Variants in RAP1GAP2 observed in about 807,000 individuals in gnomAD.
The protein encoded by RAP1GAP2 is rap1 GTPase-activating protein 2.
In RAP1GAP2, 27 loss-of-function variants were observed where a neutral mutation model predicts 95.0. That is an observed-to-expected ratio of 0.28 (90% CI 0.21 to 0.39). The LOEUF (loss-of-function observed/expected upper bound fraction) is 0.39, where lower values mean the gene tolerates loss of function less well. Ranked by LOEUF, RAP1GAP2 falls within the 10% of genes least tolerant of loss-of-function variation. RAP1GAP2 has a pLI of 1.00. For synonymous variants in RAP1GAP2, 373 were observed against 380.9 expected (o/e 0.98, Z 0.24); for missense variants, 771 against 970.0 (o/e 0.79, Z 2.72).
intron 2 of RAP1GAP2, among the ~76,000 whole-genome samples, chr17:2,817,092 T>A (rs9897187): frequency 0.32 from 35,742 of 110,324 alleles, 12,702 homozygotes; most frequent in African/African-American, 0.65. Context: ...GGCTCAAGCG[T>A]TTCTCGTGCC....
intron 2 of RAP1GAP2, among the ~76,000 whole-genome samples, chr17:2,882,974 G>A (rs1267355423): frequency 6.6e-6 from 1 of 152,262 alleles, no homozygotes; most frequent in African/African-American, 2.4e-5. Context: ...AGTTCTTGGT[G>A]CTCTTTCTGA....
In RAP1GAP2 at chr17:2,827,419, C is replaced by A. The variant is rs893488420; in HGVS notation, c.80+26869C>A. 1.3e-5 allele frequency among the ~76,000 whole-genome samples: 2 copies of A among 151,298 alleles called. No homozygotes were observed. Among genetic ancestry groups the A allele is most frequent in the African/African-American group, 4.9e-5 (2 of 41,104 alleles). ...TGGTTTCAGACAGTGCCCAGTCCTG[C>A]GAAGGAAATAGAACAGTGAGGCGAT... On this transcript the variant is annotated intron_variant, in intron 2 of 24. Transcript: ENST00000254695. The surrounding 1 kb of genome is among the most constrained non-coding windows in gnomAD (Gnocchi z 4.1).
Position 2,964,627 on chromosome 17 carries a change from A to G in RAP1GAP2, c.492+559A>G, listed in dbSNP as rs116121781. The G allele has an allele frequency of 9.3e-3, 1,433 of 154,692 alleles. 19 individuals carry two copies. The highest frequency in any genetic ancestry group is 0.031 in the African/African-American group (1,274 of 41,526). The allele number at this position is 154,692 out of a possible 1,614,324, so 9.6% of individuals were successfully genotyped here. A position where few individuals can be genotyped will look rare whatever the true frequency, so the allele number is the denominator to read the frequency against. Reference sequence around the variant, plus strand: ...ATGGAATGGGTAGTGTTTGGGGTGAAGGACGGTGGCTGGAGTTTTGACTGT... The same window carrying G: ...ATGGAATGGGTAGTGTTTGGGGTGAGGGACGGTGGCTGGAGTTTTGACTGT... On this transcript the variant is annotated intron_variant, in intron 7 of 24. Coordinates refer to ENST00000254695, the MANE Select transcript of RAP1GAP2 (RefSeq NM_015085.5).
At chr17:2,896,721 G>T (rs1241952677) in intron 2 of RAP1GAP2, among the ~76,000 whole-genome samples, 1 of 152,204 alleles carries the variant, frequency 6.6e-6, no homozygotes, top group Non-Finnish European at 1.5e-5. Context: ...TGCCCGTAGG[G>T]TCCTGTTCCT....
intron 12 of RAP1GAP2, 62 bp downstream of exon 12, chr17:2,991,459 A>G (rs2045747203): frequency 6.2e-6 from 8 of 1,300,666 alleles, no homozygotes; most frequent in Non-Finnish European, 8.7e-6. Context: ...GAAGGGCAAG[A>G]CAGCTCAGTC....
At chr17:2,992,042 C>T (rs999715709) in intron 12 of RAP1GAP2, among the ~76,000 whole-genome samples, 9 of 151,950 alleles carry the variant, frequency 5.9e-5, no homozygotes, top group Non-Finnish European at 1.3e-4. Flanking sequence ...CTAGGATTAC[C>T]GGCGTGAGCC....
At position 2,951,799 on chromosome 17, in the gene RAP1GAP2, C is replaced by T. The variant is rs890267665; in HGVS notation, c.166-5960C>T. 6.6e-5 allele frequency among the ~76,000 whole-genome samples: 10 copies of T among 151,816 alleles called. No homozygotes were observed. The East Asian group carries it at 1.9e-3, about 30-fold the overall frequency. On this transcript the variant is annotated intron_variant, in intron 3 of 24. Transcript: ENST00000254695. ...CTGTAATCCCAGCACTTGGGGAGGC[C>T]GAGGCAGGCGGATCATTTGAGGTCA...
At chr17:2,883,026 G>A (rs2073363863) in intron 2 of RAP1GAP2, among the ~76,000 whole-genome samples, 1 of 152,210 alleles carries the variant, frequency 6.6e-6, no homozygotes, top group Non-Finnish European at 1.5e-5. Context: ...CTGGGCTTGG[G>A]CAGCCCCTCT....
chr17:2,936,961 T>C (rs1400495185), intron 3 of RAP1GAP2, among the ~76,000 whole-genome samples: 1 of 152,240 alleles, frequency 6.6e-6, no homozygotes, highest in Non-Finnish European at 1.5e-5. Context: ...AAGTGTTTAC[T>C]GAGCATCTGT....
chr17:2,950,746 G>C (rs1290864097), intron 3 of RAP1GAP2, among the ~76,000 whole-genome samples: 1 of 151,770 alleles, frequency 6.6e-6, no homozygotes, highest in African/African-American at 2.4e-5. Context: ...AAATAGCTGG[G>C]ATTACAGGTG....
chr17:2,882,056 G>A lies in RAP1GAP2; in HGVS notation c.81-23228G>A, dbSNP rs138784810. On this transcript the variant is annotated intron_variant, in intron 2 of 24. Transcript: ENST00000254695. ...AGGATGGCCTCGATCTCCTGACCTC[G>A]TGATCCACTTGCCTCAGTTTCTCAA... 4.9e-4 allele frequency among the ~76,000 whole-genome samples: 74 copies of A among 150,722 alleles called. 1 individual carries two copies. The East Asian group carries it at 0.013, about 27-fold the overall frequency.
chr17:2,920,196 C>T (rs1334081518), intron 3 of RAP1GAP2, among the ~76,000 whole-genome samples: 17 of 152,060 alleles, frequency 1.1e-4, no homozygotes, highest in Admixed American at 2.6e-4. Flanking sequence ...TTTTTTAATT[C>T]GTAGAAGCAG....
chr17:2,814,249 G>A (rs1348827699), intron 2 of RAP1GAP2, among the ~76,000 whole-genome samples: 2 of 152,142 alleles, frequency 1.3e-5, no homozygotes, highest in Admixed American at 6.6e-5. Flanking sequence ...ACCTCTCTGT[G>A]CCTCTGTCAG....
upstream of RAP1GAP2, among the ~76,000 whole-genome samples, chr17:2,795,424 G>A (rs1262554874): frequency 6.6e-6 from 1 of 152,180 alleles, no homozygotes; most frequent in Admixed American, 6.5e-5. Flanking sequence ...TGCAGGACAC[G>A]CTAGCCCTGT....
chr17:2,833,257 C>T (rs1474260456), intron 2 of RAP1GAP2, among the ~76,000 whole-genome samples: 1 of 150,838 alleles, frequency 6.6e-6, no homozygotes, highest in Non-Finnish European at 1.5e-5. Context: ...ATTCTCCTGC[C>T]TCAGCCTCCC....
chr17:2,969,181 A>ATCTATTTATCTATC (rs146508761), intron 8 of RAP1GAP2, among the ~76,000 whole-genome samples: 415 of 147,106 alleles, frequency 2.8e-3, no homozygotes, highest in Non-Finnish European at 4.9e-3. Flanking sequence ...CTATCTATCT[A>ATCTATTTATCTATC]TATATATATA....
At chr17:2,788,547 C>T (rs56188113) in intron 1 of RAP1GAP2, among the ~76,000 whole-genome samples, 56,830 of 151,992 alleles carry the variant, frequency 0.37, 10,984 homozygotes, top group South Asian at 0.43. Context: ...ATCCACCTGC[C>T]TTGGCCTCCC....
chr17:2,786,946 CTTTTTT>C (rs67990731), intron 1 of RAP1GAP2, among the ~76,000 whole-genome samples: 2 of 58,250 alleles, frequency 3.4e-5, no homozygotes, highest in African/African-American at 7.5e-5. Flanking sequence ...CGCTCCCAGC[CTTTTTT>C]TTTTTTTTTT....
At chr17:2,907,429 T>C (rs1567764885) in intron 3 of RAP1GAP2, among the ~76,000 whole-genome samples, 2 of 152,154 alleles carry the variant, frequency 1.3e-5, no homozygotes, top group Non-Finnish European at 2.9e-5. Context: ...GTCCCTGCTC[T>C]CCTAGAGCTT....
Sources: allele counts gnomAD v4.1 joint callset (sites outside exome capture counted in the v4.1 genomes callset), GRCh38; gene constraint gnomAD v4.1.1; non-coding constraint Gnocchi (gnomAD v3.1); transcripts MANE v1.5; gene names NCBI Gene and HGNC (gene_info 2026-07-23, HGNC 2026-07-21).